Variants in TFAP4 observed in about 807,000 individuals in gnomAD.
The protein encoded by TFAP4 is activating enhancer-binding protein 4.
A neutral mutation model predicts 40.4 loss-of-function variants in TFAP4; 7 were observed. That is an observed-to-expected ratio of 0.17 (90% CI 0.10 to 0.33). TFAP4 has a LOEUF of 0.33. Among genes scored for constraint, TFAP4 ranks in the 10% least tolerant of loss-of-function variants. TFAP4 has a pLI of 1.00. For synonymous variants in TFAP4, 218 were observed against 181.4 expected (o/e 1.20, Z -1.62); for missense variants, 374 against 451.1 (o/e 0.83, Z 1.55).
Position 4,257,851 on chromosome 16 carries a change from G to T in TFAP4, c.*204C>A. 1.9e-6 allele frequency: 1 copy of T among 532,034 alleles called. No homozygotes were observed. The highest frequency in any genetic ancestry group is 3.2e-6 in the Non-Finnish European group (1 of 308,218). The allele number at this position is 532,034 out of a possible 1,614,324, so 33.0% of individuals were successfully genotyped here. A position where few individuals can be genotyped will look rare whatever the true frequency, so the allele number is the denominator to read the frequency against. On this transcript the variant is annotated 3_prime_UTR_variant, in exon 7 of 7. Coordinates refer to ENST00000204517, the MANE Select transcript of TFAP4 (RefSeq NM_003223.3). ...CCCTGGGGTGCCGATGCTCCCACAC[G>T]CTCTGCGACACCCCAGCCCCGGGAC...
In TFAP4 at chr16:4,258,150, G is replaced by A; in HGVS notation, c.922C>T (p.Pro308Ser). ...VKPVRSCPEA[P>S]TSDTASDSEA... ...GAGTCGGAGGCGGTGTCAGAGGTGG[G>A]GGCCTCCGGGCAGCTGCGGACAGGC... is the stretch of plus-strand genomic sequence containing the variant. The change falls in exon 7 of 7, where the codon CCC becomes TCC. Residue 308 changes from proline (P) to serine (S), a missense_variant. Coordinates refer to ENST00000204517, the MANE Select transcript of TFAP4 (RefSeq NM_003223.3). 1.2e-6 allele frequency: 2 copies of A among 1,613,940 alleles called. No individual in the cohort carries two copies. The highest frequency in any genetic ancestry group is 1.7e-4 in the Middle Eastern group (1 of 6,042).
intron 5 of TFAP4, 93 bp from the exon 6 acceptor site, chr16:4,260,338 C>G: frequency 1.3e-6 from 2 of 1,506,200 alleles, no homozygotes; most frequent in Non-Finnish European, 1.8e-6. Context: ...ATAACTGCCT[C>G]TGCCCCTTTA....
At chr16:4,267,808 A>T (rs2053009304) in intron 1 of TFAP4, among the ~76,000 whole-genome samples, 1 of 152,106 alleles carries the variant, frequency 6.6e-6, no homozygotes, top group African/African-American at 2.4e-5. Flanking sequence ...TCCTTCTCTA[A>T]CCTAATCAGC....
Position 4,260,476 on chromosome 16 carries a change from T to A in TFAP4, c.645A>T (p.Glu215Asp). Residue 215 changes from glutamate (E) to aspartate (D), a missense_variant, in exon 5 of 7, where the codon GAA (glutamate) becomes GAT (aspartate). Coordinates refer to ENST00000204517, the MANE Select transcript of TFAP4 (RefSeq NM_003223.3). ...TCACCTGGGTCCGCAGCTGCTGCTG[T>A]TCCCGCTCCAGCTTCTCCTGGTGCA... ...RLLHQEKLER[E>D]QQQLRTQLLP... 2 of 1,600,852 alleles carry A rather than the reference T, an allele frequency of 1.2e-6. No individual in the cohort carries two copies. Among genetic ancestry groups the A allele is most frequent in the Non-Finnish European group, 1.7e-6 (2 of 1,173,872 alleles).
intron 1 of TFAP4, chr16:4,263,082 G>A (rs2052962563): frequency 1.2e-5 from 3 of 241,580 alleles, no homozygotes; most frequent in Admixed American, 1.0e-4. Flanking sequence ...TGAAGTGGGA[G>A]GATCGCTTGA....
intron 1 of TFAP4, among the ~76,000 whole-genome samples, chr16:4,272,260 T>C (rs999818444): frequency 6.6e-6 from 1 of 150,970 alleles, no homozygotes; most frequent in African/African-American, 2.4e-5. Context: ...CCAGACCCCC[T>C]TGGATGGGGA....
intron 6 of TFAP4, among the ~76,000 whole-genome samples, chr16:4,259,844 T>G (rs1437823908): frequency 6.6e-6 from 1 of 152,208 alleles, no homozygotes; most frequent in Non-Finnish European, 1.5e-5. Context: ...AACCCCATAT[T>G]GAGGGAAGGG....
intron 1 of TFAP4, among the ~76,000 whole-genome samples, chr16:4,268,442 C>A (rs931834030): frequency 2.6e-5 from 4 of 152,136 alleles, no homozygotes; most frequent in African/African-American, 9.7e-5. Context: ...GGACAGGAGT[C>A]ACATCCTGTT....
At chr16:4,260,361 GA>G (rs1235894327) in intron 5 of TFAP4, 93 bp downstream of exon 5, 1 of 1,505,222 alleles carries the variant, frequency 6.6e-7, no homozygotes, top group Admixed American at 2.3e-5. Flanking sequence ...TTAAGAAGCA[GA>G]GAGGACGTGG....
At chr16:4,262,492 G>T in intron 2 of TFAP4, 44 bp downstream of exon 2, 1 of 1,613,162 alleles carries the variant, frequency 6.2e-7, no homozygotes. Context: ...CTCCCAGCGG[G>T]AACCTGCCGG....
In TFAP4 at chr16:4,259,533, C is replaced by T. The variant is rs141739069; in HGVS notation, c.822+557G>A. 7.2e-5 allele frequency among the ~76,000 whole-genome samples: 11 copies of T among 152,228 alleles called. No individual in the cohort carries two copies. The East Asian group carries it at 1.2e-3, about 16-fold the overall frequency. On this transcript the variant is annotated intron_variant, in intron 6 of 6. Coordinates refer to ENST00000204517, the MANE Select transcript of TFAP4 (RefSeq NM_003223.3). ...GCAAAGTTTATGAGCAATTAAAATT[C>T]GAGGAGATTGATGGATTTTTTTTCC... is the stretch of plus-strand genomic sequence containing the variant.
intron 1 of TFAP4, among the ~76,000 whole-genome samples, chr16:4,269,164 A>G (rs904338269): frequency 3.5e-4 from 52 of 149,652 alleles, no homozygotes; most frequent in Non-Finnish European, 8.9e-5. Context: ...CTGGGATTAC[A>G]GGCTTGAGCC....
At position 4,262,516 on chromosome 16, in the gene TFAP4, C is replaced by G. The variant is rs746101915; in HGVS notation, c.255+20G>C. ...GGAACCTGCCGGCTCCTCCAGGAAG[C>G]CCTCCCTGCTCTCACCCACCTTGCT... On this transcript the variant is annotated intron_variant, in intron 2 of 6. Coordinates refer to ENST00000204517, the MANE Select transcript of TFAP4 (RefSeq NM_003223.3). 6.2e-7 allele frequency: 1 copy of G among 1,612,684 alleles called. No homozygotes were observed. Among genetic ancestry groups the G allele is most frequent in the Admixed American group, 1.7e-5 (1 of 60,034 alleles).
At position 4,260,462 on chromosome 16, in the gene TFAP4, C is replaced by T. The variant is rs60341751; in HGVS notation, c.659G>A (p.Arg220Gln). Residue 220 changes from arginine to glutamine, a missense_variant, in exon 5 of 7, where the codon CGG (arginine) becomes CAG (glutamine). This residue lies in a region of TFAP4 where 161 missense variants were observed against 154.2 expected (regional missense o/e 1.04). Transcript: ENST00000204517. ...EKLEREQQQL[R>Q]TQLLPPPAPT... Reference sequence around the variant, plus strand: ...CGGGCGCCTCCTGCTCACCTGGGTCCGCAGCTGCTGCTGTTCCCGCTCCAG... The same window carrying T: ...CGGGCGCCTCCTGCTCACCTGGGTCTGCAGCTGCTGCTGTTCCCGCTCCAG... The T allele has an allele frequency of 1.4e-3, 2,154 of 1,589,952 alleles. 29 individuals are homozygous for T. The African/African-American group carries it at 0.025, about 19-fold the overall frequency.
At chr16:4,260,693 C>T in intron 4 of TFAP4, 98 bp from the exon 5 acceptor site, 1 of 1,404,668 alleles carries the variant, frequency 7.1e-7, no homozygotes, top group Non-Finnish European at 9.4e-7. Context: ...AAAACCCTAG[C>T]ACAGGGCGGG....
At chr16:4,262,850 CG>C in intron 1 of TFAP4, 149 bp from the exon 2 acceptor site, 1 of 862,884 alleles carries the variant, frequency 1.2e-6, no homozygotes, top group Non-Finnish European at 1.8e-6. Context: ...TCTGGGACAC[CG>C]GGGCGGACTG....
In TFAP4 at chr16:4,262,396, C is replaced by T; in HGVS notation, c.282G>A (p.Glu94=). The T allele has an allele frequency of 6.2e-7, 1 of 1,614,234 alleles. No homozygotes were observed. Residue 94 remains glutamate (E), a synonymous_variant, in exon 3 of 7, where the codon GAG becomes GAA. Coordinates refer to ENST00000204517, the MANE Select transcript of TFAP4 (RefSeq NM_003223.3). ...SKAAILQQTA[E]YIFSLEQEKT... ...TCTCCTGCTCCAGGGAGAAGATGTA[C>T]TCGGCTGTCTGCTGGAGAATGGCTG... is the stretch of plus-strand genomic sequence containing the variant.
intron 1 of TFAP4, chr16:4,267,002 C>G (rs1467153695): frequency 6.6e-6 from 1 of 152,364 alleles, no homozygotes; most frequent in African/African-American, 2.4e-5. Flanking sequence ...ACTGGGATTA[C>G]AGGCGTGATC....
chr16:4,267,030 T>G (rs548776952), intron 1 of TFAP4: 1 of 151,758 alleles, frequency 6.6e-6, no homozygotes, highest in South Asian at 2.0e-4. Flanking sequence ...CCTGGCTAAT[T>G]ATGGGGGGCG....
Sources: allele counts gnomAD v4.1 joint callset (sites outside exome capture counted in the v4.1 genomes callset), GRCh38; gene constraint gnomAD v4.1.1; regional missense constraint gnomAD v4.1.1; transcripts MANE v1.5; gene names NCBI Gene and HGNC (gene_info 2026-07-23, HGNC 2026-07-21).